The following TRDN variants were observed in gnomAD, a reference collection of about 807,000 sequenced individuals.
TRDN encodes the protein triadin in skeletal muscle.
In TRDN, 161 loss-of-function variants were observed where a neutral mutation model predicts 149.7. That is an observed-to-expected ratio of 1.08 (90% CI 0.95 to 1.23). The LOEUF (loss-of-function observed/expected upper bound fraction) is 1.23. TRDN is among the 50% of genes most tolerant of loss of function. TRDN has a pLI of 0.00. For missense variants in TRDN, 896 were observed against 823.5 expected, an observed-to-expected ratio of 1.09 and a Z score of -1.08; for synonymous variants, 294 against 250.5, an observed-to-expected ratio of 1.17 and a Z score of -1.64.
At chr6:123,287,670 T>A (rs1224191121) in intron 24 of TRDN, among the ~76,000 whole-genome samples, 1 of 152,162 alleles carries the variant, frequency 6.6e-6, no homozygotes, top group African/African-American at 2.4e-5. Flanking sequence ...CTTGTGTTGA[T>A]CATGGTATGT....
intron 1 of TRDN, among the ~76,000 whole-genome samples, chr6:123,585,278 G>C (rs1456531477): frequency 6.6e-6 from 1 of 151,890 alleles, no homozygotes; most frequent in Non-Finnish European, 1.5e-5. Context: ...ATAGGGAACT[G>C]GGCAGGTGGG....
intron 1 of TRDN, among the ~76,000 whole-genome samples, chr6:123,615,242 C>A (rs1785023971): frequency 6.6e-6 from 1 of 152,072 alleles, no homozygotes. Flanking sequence ...TAGTATGGGG[C>A]TTCCTCAAAA....
intron 24 of TRDN, 129 bp from the exon 25 acceptor site, chr6:123,279,211 T>C: frequency 4.1e-6 from 3 of 731,522 alleles, no homozygotes; most frequent in Non-Finnish European, 4.1e-6. Flanking sequence ...TCCTTTTTTG[T>C]TGAAATTCTA....
chr6:123,502,740 A>G (rs950551128), intron 8 of TRDN: 11 of 984,440 alleles, frequency 1.1e-5, no homozygotes, highest in Non-Finnish European at 1.3e-5. Flanking sequence ...CAATTCTTTG[A>G]TACAGTCCTT....
chr6:123,260,900 TTAGA>T (rs1429821440), intron 33 of TRDN, among the ~76,000 whole-genome samples: 1 of 151,590 alleles, frequency 6.6e-6, no homozygotes, highest in Non-Finnish European at 1.5e-5. Flanking sequence ...ATAGAATAGG[TTAGA>T]TAGAATAAAC....
chr6:123,295,664 T>TAC (rs1778166199), intron 24 of TRDN, among the ~76,000 whole-genome samples: 1 of 152,094 alleles, frequency 6.6e-6, no homozygotes, highest in African/African-American at 2.4e-5. Flanking sequence ...CTCATATATA[T>TAC]ACACAATTAT....
At chr6:123,482,460 T>G (rs1418948749) in intron 9 of TRDN, among the ~76,000 whole-genome samples, 1 of 152,224 alleles carries the variant, frequency 6.6e-6, no homozygotes, top group Non-Finnish European at 1.5e-5. Context: ...CTCTTCCTGC[T>G]TTATATTGTG....
intron 12 of TRDN, among the ~76,000 whole-genome samples, chr6:123,400,904 TC>T (rs1374899853): frequency 6.6e-6 from 1 of 152,190 alleles, no homozygotes; most frequent in African/African-American, 2.4e-5. Context: ...AATGTAGTCC[TC>T]TGAAAATATA....
rs1780080535 is a variant in TRDN, at chr6:123,341,997, A to G, written c.1370-4328T>C. Among the ~76,000 whole-genome samples, 2 of 151,970 alleles carry G rather than the reference A, an allele frequency of 1.3e-5. 1 individual carries two copies. Among genetic ancestry groups the G allele is most frequent in the South Asian group, 4.1e-4 (2 of 4,832 alleles). ...AGGGGCTTCTCTTGAAACAATCTAA[A>G]TAACCTTTTCCTTTGACTAAATTCT... On this transcript the variant is annotated intron_variant, in intron 21 of 40. Coordinates refer to ENST00000334268, the MANE Select transcript of TRDN (RefSeq NM_006073.4).
At chr6:123,535,587 A>T (rs1298838640) in intron 4 of TRDN, among the ~76,000 whole-genome samples, 1 of 152,180 alleles carries the variant, frequency 6.6e-6, no homozygotes, top group African/African-American at 2.4e-5. Context: ...TAAGGAACTC[A>T]GAGAATTTAA....
chr6:123,342,558 G>A (rs1780103297), intron 21 of TRDN, among the ~76,000 whole-genome samples: 4 of 151,786 alleles, frequency 2.6e-5, no homozygotes, highest in Admixed American at 6.6e-5. Context: ...TTTAACATAA[G>A]ATCGCTTTAA....
chr6:123,227,833 C>T (rs954297879), intron 38 of TRDN, among the ~76,000 whole-genome samples: 17 of 151,764 alleles, frequency 1.1e-4, no homozygotes, highest in Non-Finnish European at 2.2e-4. Flanking sequence ...CTGCAACCTC[C>T]GAGGTGAGGA....
intron 2 of TRDN, among the ~76,000 whole-genome samples, chr6:123,557,587 G>A (rs997768213): frequency 3.9e-5 from 6 of 152,046 alleles, no homozygotes; most frequent in South Asian, 2.1e-4. Context: ...CTCCGGAGCC[G>A]GTCACGGACT....
rs149008883 is a variant in TRDN at position 123,218,850 on chromosome 6, C to T, written c.2051-110G>A. On this transcript the variant is annotated intron_variant, in intron 40 of 40. Coordinates refer to ENST00000334268, the MANE Select transcript of TRDN (RefSeq NM_006073.4). ...GGTCACAGATTCTGCCAGCAGCCTC[C>T]GTAGCTGTTGGCAAGTTACTAAACT... The T allele has an allele frequency of 1.3e-3, 1,614 of 1,197,244 alleles. 8 individuals are homozygous for T. The African/African-American group carries it at 0.022, about 17-fold the overall frequency. The allele number at this position is 1,197,244 out of a possible 1,614,324, so 74.2% of individuals were successfully genotyped here.
At chr6:123,311,354 G>C (rs1778812050) in intron 24 of TRDN, among the ~76,000 whole-genome samples, 1 of 151,904 alleles carries the variant, frequency 6.6e-6, no homozygotes, top group South Asian at 2.1e-4. Flanking sequence ...CAACACATGA[G>C]GATTATGGGG....
intron 24 of TRDN, among the ~76,000 whole-genome samples, chr6:123,311,772 G>A (rs1374420419): frequency 2.6e-5 from 4 of 151,980 alleles, no homozygotes; most frequent in Non-Finnish European, 5.9e-5. Flanking sequence ...AAAAAGCCAT[G>A]AAAGCCATCA....
At position 123,596,861 on chromosome 6, in the gene TRDN, G is replaced by A. The variant is rs112489062; in HGVS notation, c.23-25729C>T. Reference sequence around the variant, plus strand: ...TATATATTTCTTTCAAAATATTTCTGCTTATTGAGAATGTACTTGGTCACT... The same window carrying A: ...TATATATTTCTTTCAAAATATTTCTACTTATTGAGAATGTACTTGGTCACT... On this transcript the variant is annotated intron_variant, in intron 1 of 40. Coordinates refer to ENST00000334268, the MANE Select transcript of TRDN (RefSeq NM_006073.4). Among the ~76,000 whole-genome samples the A allele has an allele frequency of 4.3e-3, 659 of 152,092 alleles. 6 individuals carry two copies. Among genetic ancestry groups the A allele is most frequent in the African/African-American group, 0.015 (632 of 41,532 alleles).
At chr6:123,626,206 G>A (rs1006590680) in intron 1 of TRDN, among the ~76,000 whole-genome samples, 2 of 152,096 alleles carry the variant, frequency 1.3e-5, no homozygotes, top group African/African-American at 4.8e-5. Flanking sequence ...CCTAGGCCAG[G>A]CATGGTGGCT....
chr6:123,332,024 T>G (rs908252389), intron 22 of TRDN, 95 bp from the exon 23 acceptor site: 19 of 904,462 alleles, frequency 2.1e-5, no homozygotes, highest in Middle Eastern at 2.3e-4. Context: ...ATCAGTAAGC[T>G]GAAAGTAAGT....
Sources: allele counts gnomAD v4.1 joint callset (sites outside exome capture counted in the v4.1 genomes callset), GRCh38; gene constraint gnomAD v4.1.1; transcripts MANE v1.5; gene names NCBI Gene and HGNC (gene_info 2026-07-23, HGNC 2026-07-21).